SVIL: variants seen among roughly 807,000 people sequenced by gnomAD.
SVIL encodes the protein supervillin.
Under a neutral mutation model 240.4 loss-of-function variants are expected in SVIL, and 101 were observed. The observed-to-expected ratio is 0.42, with a 90% confidence interval of 0.36 to 0.50. SVIL has a LOEUF of 0.50. SVIL is among the 20% of genes least tolerant of loss of function. SVIL has a pLI of 0.01. For missense variants in SVIL, 2,512 were observed against 2,818.7 expected (o/e 0.89, Z 2.46); for synonymous variants, 999 against 1,100.0 (o/e 0.91, Z 1.82).
intron 3 of SVIL, among the ~76,000 whole-genome samples, chr10:29,647,624 G>T (rs1156827609): frequency 1.3e-5 from 2 of 151,566 alleles, no homozygotes; most frequent in African/African-American, 4.9e-5. Context: ...TGCAAATATA[G>T]GTGTGTGTGT....
intron 1 of SVIL, among the ~76,000 whole-genome samples, chr10:29,617,031 A>G (rs1428330178): frequency 6.6e-6 from 1 of 152,072 alleles, no homozygotes; most frequent in Admixed American, 6.5e-5. Context: ...CTGAAGTGCA[A>G]CTCTTAACAC....
chr10:29,728,881 G>T (rs1964440594), intron 1 of SVIL, among the ~76,000 whole-genome samples: 1 of 152,036 alleles, frequency 6.6e-6, no homozygotes, highest in Admixed American at 6.6e-5. Flanking sequence ...GACGTCCAAG[G>T]CAAATGTGTC....
chr10:29,533,195 C>A lies in SVIL; in HGVS notation c.1172G>T (p.Cys391Phe). ...TPETPENASE[C>F]SWVASATQNV... ...CTGGGTGGCTGATGCTACCCAGCTA[C>A]ACTCAGATGCATTTTCTGGGGTTTC... The change falls in exon 8 of 38, where the codon TGT becomes TTT. Residue 391 changes from cysteine (C) to phenylalanine (F), a missense_variant. Physicochemically the swap from Cys to Phe is radical, Grantham distance 205. Transcript: ENST00000355867. 6 of 1,614,176 alleles carry A rather than the reference C, an allele frequency of 3.7e-6. No individual in the cohort carries two copies. Among genetic ancestry groups the A allele is most frequent in the South Asian group, 1.1e-5 (1 of 91,082 alleles).
At chr10:29,579,252 G>C (rs549735635) in intron 1 of SVIL, among the ~76,000 whole-genome samples, 3 of 151,888 alleles carry the variant, frequency 2.0e-5, no homozygotes, top group Non-Finnish European at 2.9e-5. Flanking sequence ...CCTGGCTAAC[G>C]CGGTGAAACC....
chr10:29,489,863 T>C (rs1269752639), intron 22 of SVIL, among the ~76,000 whole-genome samples: 1 of 152,204 alleles, frequency 6.6e-6, no homozygotes, highest in Non-Finnish European at 1.5e-5. Context: ...TATACTTTCA[T>C]AGTAAACCAG....
At chr10:29,651,246 T>G (rs2505917) in intron 3 of SVIL, among the ~76,000 whole-genome samples, 104,877 of 151,970 alleles carry the variant, frequency 0.69, 36,746 homozygotes, top group South Asian at 0.81. Context: ...CCAGCACCTT[T>G]TTGGGCATTT....
chr10:29,690,346 A>G (rs116327790), intron 1 of SVIL, among the ~76,000 whole-genome samples: 2,618 of 152,140 alleles, frequency 0.017, 68 homozygotes, highest in African/African-American at 0.058. Context: ...GCTTTTTTTC[A>G]TTATATGAAA....
intron 34 of SVIL, among the ~76,000 whole-genome samples, chr10:29,463,846 CAG>C (rs1392407861): frequency 6.6e-6 from 1 of 152,212 alleles, no homozygotes; most frequent in Non-Finnish European, 1.5e-5. Context: ...AGCCTGTAGG[CAG>C]AGAGAAGTGG....
At chr10:29,494,062 T>G (rs537006074) in intron 20 of SVIL, among the ~76,000 whole-genome samples, 1 of 152,210 alleles carries the variant, frequency 6.6e-6, no homozygotes, top group Admixed American at 6.5e-5. Flanking sequence ...TCCCGCCTAC[T>G]TGGGAGGCTG....
At chr10:29,714,736 G>A (rs1963511439) in intron 1 of SVIL, among the ~76,000 whole-genome samples, 1 of 152,082 alleles carries the variant, frequency 6.6e-6, no homozygotes, top group African/African-American at 2.4e-5. Flanking sequence ...GAGGTGGGAG[G>A]ATCGCTTGAG....
chr10:29,609,807 C>T (rs1248328592), intron 1 of SVIL, among the ~76,000 whole-genome samples: 6 of 152,238 alleles, frequency 3.9e-5, no homozygotes, highest in South Asian at 2.1e-4. Flanking sequence ...TGTTCACTCA[C>T]TCACATACCC....
chr10:29,670,556 T>G (rs1413339612), intron 2 of SVIL, among the ~76,000 whole-genome samples: 1 of 152,244 alleles, frequency 6.6e-6, no homozygotes, highest in Non-Finnish European at 1.5e-5. Flanking sequence ...GTTAAAGTCT[T>G]TTGTGTAAAC....
At chr10:29,543,287 G>C (rs1952332521) in intron 6 of SVIL, among the ~76,000 whole-genome samples, 1 of 152,302 alleles carries the variant, frequency 6.6e-6, no homozygotes. Context: ...TGGGAAGGTG[G>C]ACTCTTCTCT....
intron 20 of SVIL, 132 bp from the exon 21 acceptor site, chr10:29,493,523 G>T: frequency 1.0e-6 from 1 of 989,934 alleles, no homozygotes; most frequent in Non-Finnish European, 1.5e-6. Context: ...GATATACAGG[G>T]TCCTGTGGTT....
intron 6 of SVIL, among the ~76,000 whole-genome samples, chr10:29,545,585 G>C (rs368371448): frequency 1.4e-3 from 214 of 152,164 alleles, no homozygotes; most frequent in African/African-American, 4.9e-3. Context: ...AGCCGGGCGT[G>C]GTGGCTCACG....
In SVIL at chr10:29,543,605, G is replaced by A. The variant is rs186559406; in HGVS notation, c.827+6992C>T. Among the ~76,000 whole-genome samples the A allele has an allele frequency of 6.3e-4, 95 of 151,820 alleles. No homozygotes were observed. In the East Asian group the frequency reaches 0.011, roughly 17 times the overall value. ...CTTGTTAGTTTCTAACCATTGTTCC[G>A]GGTACACGTGCTCTCTTGCCTACAT... On this transcript the variant is annotated intron_variant, in intron 6 of 37. Coordinates refer to ENST00000355867, the MANE Select transcript of SVIL (RefSeq NM_021738.3).
At chr10:29,660,010 A>C (rs1490544524) in intron 2 of SVIL, among the ~76,000 whole-genome samples, 1 of 152,124 alleles carries the variant, frequency 6.6e-6, no homozygotes. Context: ...AAGAAAGAAA[A>C]AGAAAACTAC....
chr10:29,539,607 T>C (rs1319056462), intron 6 of SVIL, among the ~76,000 whole-genome samples: 2 of 152,172 alleles, frequency 1.3e-5, no homozygotes, highest in African/African-American at 4.8e-5. Flanking sequence ...TGTGTAGCAA[T>C]GATCTCACAG....
At position 29,665,284 on chromosome 10, in the gene SVIL, A is replaced by G. The variant is rs1197662119; in HGVS notation, c.-300-7216T>C. Among the ~76,000 whole-genome samples, 22 of 150,804 alleles carry G rather than the reference A, an allele frequency of 1.5e-4. 1 individual carries two copies. The highest frequency in any genetic ancestry group is 1.4e-3 in the Admixed American group (21 of 15,128). ...AACGATGGTCTTCCCAGGAGCTTGCAGTAGAGTCAAAGCAATCGTGGTGTC... is the reference window on the plus strand; with the variant it reads ...AACGATGGTCTTCCCAGGAGCTTGCGGTAGAGTCAAAGCAATCGTGGTGTC... On this transcript the variant is annotated intron_variant, in intron 2 of 35. Transcript: ENST00000375400.
Sources: gnomAD v4.1 joint callset for allele counts (sites outside exome capture counted in the v4.1 genomes callset) on GRCh38, gnomAD v4.1.1 for gene constraint, MANE v1.5 for transcripts, NCBI Gene and HGNC (gene_info 2026-07-23, HGNC 2026-07-21) for gene names.